Variants in CUL3 observed in about 807,000 individuals in gnomAD.
The protein encoded by CUL3 is cullin-3.
CUL3 carries 19 observed loss-of-function variants against 89.1 expected under a neutral mutation model. That is an observed-to-expected ratio of 0.21 (90% confidence interval 0.15 to 0.31). CUL3 has a LOEUF of 0.31. Among genes scored for constraint, CUL3 ranks in the 10% least tolerant of loss-of-function variants. The probability of loss-of-function intolerance (pLI) is 1.00; values close to 1 mark genes in which losing one functional copy is unlikely to be tolerated. For synonymous variants in CUL3, 351 were observed against 308.4 expected (o/e 1.14, Z -1.45); for missense variants, 469 against 942.3 (o/e 0.50, Z 6.58).
intron 15 of CUL3, among the ~76,000 whole-genome samples, chr2:224,476,028 TA>T (rs1002763698): frequency 6.9e-6 from 1 of 143,940 alleles, no homozygotes; most frequent in Non-Finnish European, 1.5e-5. Flanking sequence ...TATTTTTTAT[TA>T]GTTTTTTTTT....
At chr2:224,502,718 C>T (rs1243578612) in intron 10 of CUL3, among the ~76,000 whole-genome samples, 2 of 152,152 alleles carry the variant, frequency 1.3e-5, no homozygotes, top group African/African-American at 4.8e-5. Context: ...GAATAATTCT[C>T]TTTATTAAAT....
intron 1 of CUL3, among the ~76,000 whole-genome samples, chr2:224,570,497 T>A (rs1204757071): frequency 1.3e-5 from 2 of 152,218 alleles, no homozygotes; most frequent in African/African-American, 4.8e-5. Context: ...GTTTCTTCCT[T>A]GCCTATGTAG....
intron 3 of CUL3, among the ~76,000 whole-genome samples, chr2:224,516,254 A>G (rs901112453): frequency 2.0e-5 from 3 of 151,216 alleles, no homozygotes; most frequent in African/African-American, 7.3e-5. Flanking sequence ...TGGACTTCAC[A>G]CTTCCATCCT....
chr2:224,478,794 T>G (rs1413065584), intron 14 of CUL3: 1 of 155,492 alleles, frequency 6.4e-6, no homozygotes, highest in Non-Finnish European at 1.4e-5. Context: ...TAAGGCTTTA[T>G]GAGGAGACAA....
At chr2:224,520,875 A>T (rs1425029534) in intron 3 of CUL3, among the ~76,000 whole-genome samples, 1 of 152,208 alleles carries the variant, frequency 6.6e-6, no homozygotes, top group African/African-American at 2.4e-5. Flanking sequence ...ATGTATAAGA[A>T]ATCAAATTCA....
At chr2:224,511,299 A>G (rs1291658751) in intron 6 of CUL3, 55 bp downstream of exon 6, 1 of 1,309,962 alleles carries the variant, frequency 7.6e-7, no homozygotes, top group East Asian at 2.4e-5. Flanking sequence ...AAAATTTTAA[A>G]AATATCGATA....
chr2:224,493,039 A>G (rs1378828975), intron 13 of CUL3, among the ~76,000 whole-genome samples: 2 of 152,226 alleles, frequency 1.3e-5, no homozygotes, highest in Non-Finnish European at 2.9e-5. Context: ...CTCCAGCTTC[A>G]GTCAAACCGT....
intron 2 of CUL3, among the ~76,000 whole-genome samples, chr2:224,546,144 T>A (rs1168505770): frequency 6.6e-6 from 1 of 152,168 alleles, no homozygotes; most frequent in Non-Finnish European, 1.5e-5. Flanking sequence ...CTATTCCCAA[T>A]GGTTAAGATA....
At chr2:224,535,156 C>G (rs189434200) in intron 3 of CUL3, among the ~76,000 whole-genome samples, 4 of 152,214 alleles carry the variant, frequency 2.6e-5, no homozygotes, top group Admixed American at 2.6e-4. Context: ...CGTACTATAA[C>G]TAAGTTAGAC....
chr2:224,496,433 C>T (rs3768894), intron 12 of CUL3, among the ~76,000 whole-genome samples: 73,922 of 152,080 alleles, frequency 0.49, 18,191 homozygotes, highest in East Asian at 0.63. Context: ...AAATCTATTT[C>T]TTAAAATGTG....
At chr2:224,503,578 C>T (rs1692479475) in intron 9 of CUL3, 74 bp downstream of exon 9, 1 of 1,213,036 alleles carries the variant, frequency 8.2e-7, no homozygotes, top group South Asian at 1.9e-5. Flanking sequence ...AATTAATTTC[C>T]AATCACGTTG....
chr2:224,552,677 C>G (rs1694559026), intron 2 of CUL3, among the ~76,000 whole-genome samples: 1 of 152,126 alleles, frequency 6.6e-6, no homozygotes, highest in African/African-American at 2.4e-5. Flanking sequence ...ACAAACCAGC[C>G]CTCAATCCAT....
chr2:224,487,446 A>C (rs866735016), intron 13 of CUL3, among the ~76,000 whole-genome samples: 3,242 of 95,538 alleles, frequency 0.034, 9 homozygotes, highest in Non-Finnish European at 0.044. Flanking sequence ...CCCCCCCCAA[A>C]AAAAAAAAAA....
chr2:224,472,286 G>C lies in CUL3; in HGVS notation c.*1959C>G, dbSNP rs903083473. 1 of 215,632 alleles carries C rather than the reference G, an allele frequency of 4.6e-6. No homozygotes were observed. The highest frequency in any genetic ancestry group is 9.3e-6 in the Non-Finnish European group (1 of 107,160). 13.4% of individuals were successfully genotyped at this position (215,632 alleles called of 1,614,324 possible). Reference sequence around the variant, plus strand: ...ACTTTACTTTTAATGGCTTAAACTAGCACTAAAATGTTTAATGTCTCACTT... The same window carrying C: ...ACTTTACTTTTAATGGCTTAAACTACCACTAAAATGTTTAATGTCTCACTT... On this transcript the variant is annotated 3_prime_UTR_variant, in exon 16 of 16. Coordinates refer to ENST00000264414, the MANE Select transcript of CUL3 (RefSeq NM_003590.5).
At chr2:224,577,530 C>CT (rs1248998140) in intron 1 of CUL3, among the ~76,000 whole-genome samples, 1 of 150,066 alleles carries the variant, frequency 6.7e-6, no homozygotes, top group African/African-American at 2.5e-5. Flanking sequence ...GATCACGCCA[C>CT]TGCACTCCAG....
In CUL3 at chr2:224,523,631, A is replaced by G. The variant is rs372398763; in HGVS notation, c.379-8859T>C. Among the ~76,000 whole-genome samples, 322 of 152,362 alleles carry G rather than the reference A, an allele frequency of 2.1e-3. 4 individuals are homozygous for G. The highest frequency in any genetic ancestry group is 7.0e-3 in the African/African-American group (290 of 41,590). ...TTTGTACATTCGTGTTCACAGCAAC[A>G]TTATTCACAGTAGCCAAAAGGTGAA... On this transcript the variant is annotated intron_variant, in intron 3 of 15. Transcript: ENST00000264414.
intron 4 of CUL3, 25 bp downstream of exon 4, chr2:224,514,587 A>G (rs1329112084): frequency 6.3e-7 from 1 of 1,581,102 alleles, no homozygotes; most frequent in African/African-American, 1.4e-5. Flanking sequence ...AACCAAAACC[A>G]CAAGAGTAAA....
chr2:224,566,885 C>A (rs896952354), intron 1 of CUL3, among the ~76,000 whole-genome samples: 2 of 152,222 alleles, frequency 1.3e-5, no homozygotes, highest in African/African-American at 4.8e-5. Flanking sequence ...CCAGCTGGCA[C>A]AGGTGTAGCG....
chr2:224,506,610 T>C (rs764187354), intron 7 of CUL3, among the ~76,000 whole-genome samples: 19 of 152,226 alleles, frequency 1.2e-4, no homozygotes, highest in Non-Finnish European at 2.4e-4. Flanking sequence ...ACATTCACTA[T>C]TGAGGCTATT....
Sources: allele counts gnomAD v4.1 joint callset (sites outside exome capture counted in the v4.1 genomes callset), GRCh38; gene constraint gnomAD v4.1.1; transcripts MANE v1.5; gene names NCBI Gene and HGNC (gene_info 2026-07-23, HGNC 2026-07-21).